RIMS2: variants seen among roughly 807,000 people sequenced by gnomAD.
RIMS2 encodes regulating synaptic membrane exocytosis protein 2.
In RIMS2, 59 loss-of-function variants were observed where a neutral mutation model predicts 174.4. The observed-to-expected ratio is 0.34, with a 90% CI of 0.27 to 0.42. The LOEUF is 0.42. Ranked by LOEUF, RIMS2 falls within the 10% of genes least tolerant of loss-of-function variation. RIMS2 has a pLI of 1.00. For missense variants in RIMS2, 1,620 were observed against 1,666.3 expected, an observed-to-expected ratio of 0.97 and a Z score of 0.48; for synonymous variants, 606 against 572.5, an observed-to-expected ratio of 1.06 and a Z score of -0.84.
At chr8:103,845,230 T>A (rs910839531) in intron 3 of RIMS2, among the ~76,000 whole-genome samples, 1 of 152,114 alleles carries the variant, frequency 6.6e-6, no homozygotes, top group Non-Finnish European at 1.5e-5. Context: ...TACATCACTC[T>A]TTTTTATATC....
chr8:103,662,799 T>C (rs1048557636), intron 1 of RIMS2, among the ~76,000 whole-genome samples: 1 of 152,158 alleles, frequency 6.6e-6, no homozygotes, highest in Non-Finnish European at 1.5e-5. Flanking sequence ...AATGTCAGTC[T>C]CTAATATCAA....
intron 1 of RIMS2, among the ~76,000 whole-genome samples, chr8:103,685,730 C>T (rs2096933386): frequency 6.6e-6 from 1 of 152,122 alleles, no homozygotes; most frequent in Non-Finnish European, 1.5e-5. Flanking sequence ...ATCACTACAG[C>T]TTTTATAGTA....
At chr8:103,688,859 G>GCT (rs35110129) in intron 1 of RIMS2, among the ~76,000 whole-genome samples, 123,212 of 151,780 alleles carry the variant, frequency 0.81, 50,499 homozygotes, top group African/African-American at 0.92. Flanking sequence ...ACTGATTTCT[G>GCT]CTGATACGTA....
intron 2 of RIMS2, among the ~76,000 whole-genome samples, chr8:103,700,466 T>A (rs1332672791): frequency 6.6e-6 from 1 of 151,992 alleles, no homozygotes; most frequent in South Asian, 2.1e-4. Flanking sequence ...ATATATGTAT[T>A]GGGTTAGGTA....
intron 2 of RIMS2, among the ~76,000 whole-genome samples, chr8:103,750,926 C>T (rs2097881136): frequency 6.6e-6 from 1 of 152,068 alleles, no homozygotes; most frequent in South Asian, 2.1e-4. Flanking sequence ...GTGGGAGGGA[C>T]GCAGTAGGAG....
chr8:103,992,520 A>G (rs1370251680), intron 17 of RIMS2, among the ~76,000 whole-genome samples: 1 of 152,030 alleles, frequency 6.6e-6, no homozygotes. Flanking sequence ...GGGCATGTTT[A>G]TTCAGGCAAG....
intron 19 of RIMS2, among the ~76,000 whole-genome samples, chr8:104,228,892 T>C (rs28685021): frequency 0.14 from 21,114 of 152,168 alleles, 1,978 homozygotes; most frequent in African/African-American, 0.26. Flanking sequence ...ACAGACAAAG[T>C]GAAGCAAAAG....
chr8:103,599,246 G>C (rs1255787673), intron 1 of RIMS2, among the ~76,000 whole-genome samples: 1 of 151,510 alleles, frequency 6.6e-6, no homozygotes, highest in African/African-American at 2.4e-5. Context: ...TTGTGAAATA[G>C]ATACTGTTTT....
chr8:103,937,673 G>A (rs1028750356), intron 13 of RIMS2, among the ~76,000 whole-genome samples: 2 of 152,184 alleles, frequency 1.3e-5, no homozygotes, highest in Admixed American at 6.6e-5. Context: ...AAATTCAAGG[G>A]GAGTGAAATT....
At chr8:103,668,840 C>T (rs569046297) in intron 1 of RIMS2, among the ~76,000 whole-genome samples, 2 of 152,052 alleles carry the variant, frequency 1.3e-5, no homozygotes, top group East Asian at 3.9e-4. Flanking sequence ...GCCACAATGC[C>T]CAGCTAGAGC....
intron 19 of RIMS2, among the ~76,000 whole-genome samples, chr8:104,091,857 C>G (rs1050817969): frequency 6.6e-6 from 1 of 150,964 alleles, no homozygotes; most frequent in Non-Finnish European, 1.5e-5. Context: ...AAAATTAAAC[C>G]CTATGGTTCT....
At chr8:103,627,659 A>G (rs1895895) in intron 1 of RIMS2, among the ~76,000 whole-genome samples, 57,301 of 152,094 alleles carry the variant, frequency 0.38, 11,141 homozygotes, top group African/African-American at 0.4. Context: ...CGGTCCCTCC[A>G]TTCAGGGTCC....
At chr8:104,193,569 G>A (rs1467469598) in intron 19 of RIMS2, among the ~76,000 whole-genome samples, 3 of 152,136 alleles carry the variant, frequency 2.0e-5, no homozygotes, top group Non-Finnish European at 2.9e-5. Flanking sequence ...CTTCCTACCG[G>A]CAGTGCATCA....
At chr8:104,107,220 G>A (rs2098086952) in intron 19 of RIMS2, among the ~76,000 whole-genome samples, 1 of 152,016 alleles carries the variant, frequency 6.6e-6, no homozygotes, top group Non-Finnish European at 1.5e-5. Context: ...GTGGCTTCTG[G>A]TTTCTTTTTG....
chr8:103,801,078 C>T (rs189487667), intron 3 of RIMS2, among the ~76,000 whole-genome samples: 85 of 152,134 alleles, frequency 5.6e-4, no homozygotes, highest in African/African-American at 2.0e-3. Flanking sequence ...CTGCAATCTC[C>T]GCCTTTGGCA....
chr8:103,612,602 G>A (rs529129496), intron 1 of RIMS2, among the ~76,000 whole-genome samples: 6 of 152,152 alleles, frequency 3.9e-5, no homozygotes, highest in African/African-American at 7.2e-5. Context: ...CCCTCTAGAC[G>A]GAATCTTGTG....
chr8:103,685,948 A>G (rs1371365344), intron 1 of RIMS2, among the ~76,000 whole-genome samples: 2 of 152,118 alleles, frequency 1.3e-5, no homozygotes, highest in Non-Finnish European at 2.9e-5. Context: ...TAGTCTTGCC[A>G]TTGGTTAATG....
At chr8:103,750,234 T>G (rs913026436) in intron 2 of RIMS2, among the ~76,000 whole-genome samples, 8 of 152,052 alleles carry the variant, frequency 5.3e-5, no homozygotes, top group Non-Finnish European at 1.0e-4. Context: ...ACAAAAAGAA[T>G]CAGTTCAAAA....
chr8:103,900,010 A>G (rs1050046363), intron 4 of RIMS2, among the ~76,000 whole-genome samples: 3 of 151,680 alleles, frequency 2.0e-5, no homozygotes, highest in Non-Finnish European at 2.9e-5. Context: ...TGTCAGGTTT[A>G]TCAAAGATCA....
Sources: allele counts gnomAD v4.1 joint callset (sites outside exome capture counted in the v4.1 genomes callset), GRCh38; gene constraint gnomAD v4.1.1; transcripts MANE v1.5; gene names NCBI Gene and HGNC (gene_info 2026-07-23, HGNC 2026-07-21).